The following MAP7 variants were observed in gnomAD, a reference collection of about 807,000 sequenced individuals.
MAP7 encodes ensconsin.
In MAP7, 52 loss-of-function variants were observed where a neutral mutation model predicts 94.8. That is an observed-to-expected ratio of 0.55 (90% CI 0.44 to 0.69). The LOEUF (loss-of-function observed/expected upper bound fraction) is 0.69, where lower values mean the gene tolerates loss of function less well. MAP7 is among the 30% of genes least tolerant of loss of function. The pLI, the probability that MAP7 is intolerant of heterozygous loss-of-function variation, is 0.00. For missense variants in MAP7, 940 were observed against 964.6 expected, an observed-to-expected ratio of 0.97 and a Z score of 0.34; for synonymous variants, 350 against 357.0, an observed-to-expected ratio of 0.98 and a Z score of 0.22.
intron 4 of MAP7, 52 bp from the exon 5 acceptor site, chr6:136,388,562 C>A: frequency 6.9e-7 from 1 of 1,454,702 alleles, no homozygotes; most frequent in South Asian, 1.1e-5. Context: ...TTGTTTGAAG[C>A]TTCTTCAATT....
chr6:136,347,578 G>A (rs918423823), intron 16 of MAP7, among the ~76,000 whole-genome samples: 2 of 151,960 alleles, frequency 1.3e-5, no homozygotes, highest in Non-Finnish European at 2.9e-5. Flanking sequence ...GCTAATTTTT[G>A]TATTTTTAGT....
chr6:136,528,528 A>G (rs1374946054), intron 1 of MAP7, among the ~76,000 whole-genome samples: 2 of 152,260 alleles, frequency 1.3e-5, no homozygotes, highest in Admixed American at 1.3e-4. Flanking sequence ...TAGCAAAAGC[A>G]TAACAAAACA....
chr6:136,445,102 A>G (rs1351812305), intron 1 of MAP7, among the ~76,000 whole-genome samples: 2 of 152,172 alleles, frequency 1.3e-5, no homozygotes, highest in Non-Finnish European at 2.9e-5. Flanking sequence ...TCCACCCCAC[A>G]TTATGCCAAT....
At chr6:136,430,955 G>A (rs776777634) in intron 1 of MAP7, among the ~76,000 whole-genome samples, 14 of 152,114 alleles carry the variant, frequency 9.2e-5, no homozygotes, top group Non-Finnish European at 1.3e-4. Flanking sequence ...TGGTCCACCG[G>A]TTACCACTGA....
intron 1 of MAP7, among the ~76,000 whole-genome samples, chr6:136,540,944 G>A (rs9321560): frequency 1.3e-5 from 2 of 152,074 alleles, no homozygotes; most frequent in Non-Finnish European, 2.9e-5. Flanking sequence ...GCACATGGGC[G>A]CAATAATCAT....
At chr6:136,456,766 AG>A in intron 1 of MAP7, among the ~76,000 whole-genome samples, 1 of 50,478 alleles carries the variant, frequency 2.0e-5, no homozygotes, top group African/African-American at 6.7e-5. Flanking sequence ...GAGGAGGAGG[AG>A]GAAGAAGAAG....
chr6:136,438,853 A>G (rs1225336907), intron 1 of MAP7, among the ~76,000 whole-genome samples: 4 of 151,882 alleles, frequency 2.6e-5, no homozygotes, highest in African/African-American at 9.7e-5. Flanking sequence ...CCCAACCCCC[A>G]GCTTAATTAA....
rs749343888 is a variant in MAP7, at chr6:136,365,858, C to T, written c.1150G>A (p.Asp384Asn). The T allele has an allele frequency of 5.0e-6, 8 of 1,614,022 alleles. No homozygotes were observed. In the Admixed American group the frequency reaches 1.3e-4, roughly 27 times the overall value. The change falls in exon 10 of 18, where the codon GAT becomes AAT. Residue 384 changes from aspartate to asparagine, a missense_variant. Coordinates refer to ENST00000354570, the MANE Select transcript of MAP7 (RefSeq NM_003980.6). ...REVKVEPEKK[D>N]PEKEPQKVAN... ...ACTTTCTGAGGTTCCTTCTCAGGAT[C>T]TTTCTTCTCAGGCTCCACTTTGACT... is the stretch of plus-strand genomic sequence containing the variant.
chr6:136,390,886 G>A (rs542654418), intron 3 of MAP7, among the ~76,000 whole-genome samples: 1 of 152,260 alleles, frequency 6.6e-6, no homozygotes, highest in East Asian at 1.9e-4. Context: ...ATCATTCAGG[G>A]TGGTTTGTGG....
At chr6:136,378,637 T>G (rs1219880798) in intron 6 of MAP7, among the ~76,000 whole-genome samples, 2 of 152,094 alleles carry the variant, frequency 1.3e-5, no homozygotes, top group Non-Finnish European at 2.9e-5. Flanking sequence ...GCCTAAGAAG[T>G]CTAGAAAACA....
chr6:136,414,252 CAAAAAAAAAAAAAA>C lies in MAP7; in HGVS notation c.167-2569_167-2556del, dbSNP rs559869492. Among the ~76,000 whole-genome samples the C allele has an allele frequency of 8.0e-3, 128 of 15,950 alleles. 4 individuals carry two copies. Among genetic ancestry groups the C allele is most frequent in the South Asian group, 0.05 (7 of 140 alleles). The allele number at this position is 15,950 out of a possible 152,430, so 10.5% of individuals were successfully genotyped here. A position where few individuals can be genotyped will look rare whatever the true frequency, so the allele number is the denominator to read the frequency against. ...TGGGCGACAGAGCGAGACTCCGTCT[CAAAAAAAAAAAAAA>C]AAAAAAAAAAAAAAAAAATTGGTTA... On this transcript the variant is annotated intron_variant, in intron 2 of 17. Coordinates refer to ENST00000354570, the MANE Select transcript of MAP7 (RefSeq NM_003980.6).
chr6:136,414,833 CAG>C (rs1226302066), intron 2 of MAP7, among the ~76,000 whole-genome samples: 8 of 137,374 alleles, frequency 5.8e-5, no homozygotes, highest in Non-Finnish European at 9.3e-5. Context: ...TTTTTTGAGA[CAG>C]AGTTTCCTTG....
At chr6:136,469,637 C>T (rs868752695) in intron 1 of MAP7, among the ~76,000 whole-genome samples, 3 of 152,124 alleles carry the variant, frequency 2.0e-5, no homozygotes, top group African/African-American at 7.2e-5. Flanking sequence ...CCTCCCGTGT[C>T]GGCCTCCCAA....
intron 1 of MAP7, among the ~76,000 whole-genome samples, chr6:136,460,069 A>G (rs1296350185): frequency 6.6e-6 from 1 of 152,076 alleles, no homozygotes; most frequent in Non-Finnish European, 1.5e-5. Flanking sequence ...TGAAGGACCA[A>G]CTTAACAAAA....
intron 1 of MAP7, among the ~76,000 whole-genome samples, chr6:136,527,005 C>T (rs1828005255): frequency 6.6e-6 from 1 of 152,078 alleles, no homozygotes; most frequent in Non-Finnish European, 1.5e-5. Flanking sequence ...TCCTCTGCAA[C>T]TCAAGTTTCA....
intron 3 of MAP7, among the ~76,000 whole-genome samples, chr6:136,404,080 A>G (rs893852800): frequency 3.9e-5 from 6 of 152,228 alleles, no homozygotes; most frequent in Non-Finnish European, 5.9e-5. Context: ...CAGTCTCTAA[A>G]GAGGAAAGTC....
At chr6:136,361,645 G>C (rs1426652139) in intron 11 of MAP7, among the ~76,000 whole-genome samples, 1 of 152,210 alleles carries the variant, frequency 6.6e-6, no homozygotes, top group African/African-American at 2.4e-5. Flanking sequence ...GCGGTCCAGC[G>C]AGTGCATGAG....
At chr6:136,531,332 C>T (rs1282644790) in intron 1 of MAP7, among the ~76,000 whole-genome samples, 2 of 144,892 alleles carry the variant, frequency 1.4e-5, no homozygotes, top group Non-Finnish European at 2.9e-5. Flanking sequence ...TTACCTAATT[C>T]ACTGAGGGTC....
intron 1 of MAP7, among the ~76,000 whole-genome samples, chr6:136,512,438 C>G (rs9389399): frequency 0.13 from 19,607 of 152,186 alleles, 2,873 homozygotes; most frequent in African/African-American, 0.34. Context: ...ATGTATTCTT[C>G]TCAACTTTTT....
Sources: gnomAD v4.1 joint callset for allele counts (sites outside exome capture counted in the v4.1 genomes callset) on GRCh38, gnomAD v4.1.1 for gene constraint, MANE v1.5 for transcripts, NCBI Gene and HGNC (gene_info 2026-07-23, HGNC 2026-07-21) for gene names.